Variants in AQR observed in about 807,000 individuals in gnomAD.
The protein encoded by AQR is RNA helicase aquarius.
In AQR, 61 loss-of-function variants were observed where a neutral mutation model predicts 180.5. That is an observed-to-expected ratio of 0.34 (90% confidence interval 0.28 to 0.42). The LOEUF is 0.42. Ranked by LOEUF, AQR falls within the 10% of genes least tolerant of loss-of-function variation. The pLI is 1.00. For missense variants in AQR, 1,281 were observed against 1,798.3 expected, an observed-to-expected ratio of 0.71 and a Z score of 5.20; for synonymous variants, 551 against 588.8, an observed-to-expected ratio of 0.94 and a Z score of 0.93.
At chr15:34,889,732 G>T (rs1033581785) in intron 24 of AQR, among the ~76,000 whole-genome samples, 1 of 151,934 alleles carries the variant, frequency 6.6e-6, no homozygotes, top group East Asian at 1.9e-4. Context: ...ATGCAATGGC[G>T]CAATCTTGGC....
chr15:34,886,766 A>G, intron 24 of AQR, 105 bp from the exon 25 acceptor site: 1 of 1,174,880 alleles, frequency 8.5e-7, no homozygotes, highest in Non-Finnish European at 1.2e-6. Flanking sequence ...AGAGGAAAAA[A>G]AACTAGAAGA....
At chr15:34,899,983 C>T (rs77957615) in intron 20 of AQR, among the ~76,000 whole-genome samples, 11,036 of 152,156 alleles carry the variant, frequency 0.073, 458 homozygotes, top group African/African-American at 0.092. Flanking sequence ...GACTTAAACG[C>T]CTGGGTTCAC....
rs1404259975 is a variant in AQR at position 34,852,771 on chromosome 15, C to T, written c.*4021G>A. Reference sequence around the variant, plus strand: ...AGAACATATTTCTCAGAGTATTTTTCAAGAGTAGTATTTTCTGTAATATAT... The same window carrying T: ...AGAACATATTTCTCAGAGTATTTTTTAAGAGTAGTATTTTCTGTAATATAT... On this transcript the variant is annotated 3_prime_UTR_variant, in exon 35 of 35. Transcript: ENST00000156471. The T allele has an allele frequency of 6.6e-6, 1 of 152,112 alleles. No homozygotes were observed. The highest frequency in any genetic ancestry group is 6.5e-5 in the Admixed American group (1 of 15,272). The allele number at this position is 152,112 out of a possible 1,614,324, so 9.4% of individuals were successfully genotyped here.
chr15:34,928,235 T>C (rs1300685928), intron 12 of AQR, among the ~76,000 whole-genome samples: 2 of 152,106 alleles, frequency 1.3e-5, no homozygotes, highest in African/African-American at 4.8e-5. Context: ...ATTTATTTTT[T>C]CTTCTAAAAA....
chr15:34,904,207 T>C (rs930202279), intron 19 of AQR, 129 bp downstream of exon 19: 4 of 541,428 alleles, frequency 7.4e-6, no homozygotes, highest in South Asian at 4.3e-5. Context: ...GGATTGCTTA[T>C]AGTAAAAATA....
intron 29 of AQR, chr15:34,874,222 G>A (rs1047537591): frequency 5.7e-5 from 24 of 420,374 alleles, no homozygotes; most frequent in Admixed American, 1.2e-4. Flanking sequence ...GTTCTATTAC[G>A]CTCTCTGAGG....
rs942794327 is a variant in AQR at position 34,932,552 on chromosome 15, C to T, written c.784-118G>A. ...ACATACAAGGTACCCTCCAACCTTC[C>T]AATAGACACACTGTATACAATGCAA... On this transcript the variant is annotated intron_variant, in intron 10 of 34. Transcript: ENST00000156471. 6 of 681,912 alleles carry T rather than the reference C, an allele frequency of 8.8e-6. 1 individual carries two copies. The highest frequency in any genetic ancestry group is 3.8e-5 in the South Asian group (2 of 52,502). The allele number at this position is 681,912 out of a possible 1,614,324, so 42.2% of individuals were successfully genotyped here. A position where few individuals can be genotyped will look rare whatever the true frequency, so the allele number is the denominator to read the frequency against.
chr15:34,960,124 C>T (rs1213902272), intron 3 of AQR, among the ~76,000 whole-genome samples: 1 of 152,208 alleles, frequency 6.6e-6, no homozygotes, highest in East Asian at 1.9e-4. Flanking sequence ...TTTTAAAATA[C>T]TCACTGGACA....
At chr15:34,923,107 T>C (rs1337743760) in intron 13 of AQR, among the ~76,000 whole-genome samples, 1 of 152,226 alleles carries the variant, frequency 6.6e-6, no homozygotes, top group African/African-American at 2.4e-5. Context: ...GAGACCACAT[T>C]CGCATAACTT....
At chr15:34,907,141 G>A (rs765943090) in intron 17 of AQR, among the ~76,000 whole-genome samples, 64 of 152,166 alleles carry the variant, frequency 4.2e-4, no homozygotes, top group Non-Finnish European at 8.4e-4. Flanking sequence ...TCCAAAGACA[G>A]CCTAATTGTA....
chr15:34,926,990 A>C (rs1893774231), intron 13 of AQR, 45 bp downstream of exon 13: 4 of 1,181,828 alleles, frequency 3.4e-6, no homozygotes, highest in Non-Finnish European at 4.8e-6. Context: ...AAATTGAGGG[A>C]GCATGATACA....
rs780066558 is a variant in AQR at position 34,893,692 on chromosome 15, T to C, written c.2542A>G (p.Arg848Gly). The C allele has an allele frequency of 6.2e-7, 1 of 1,613,458 alleles. No individual in the cohort carries two copies. Among genetic ancestry groups the C allele is most frequent in the Non-Finnish European group, 8.5e-7 (1 of 1,179,816 alleles). ...SNIYHNFPEQRTLIVTHSNQA... is the reference protein window; with the variant it reads ...SNIYHNFPEQGTLIVTHSNQA... ...TTGGAATGAGTAACAATTAGAGTCC[T>C]CTGTTCTGGGAAGTTGTGGTAGATG... Residue 848 changes from arginine to glycine, a missense_variant, in exon 23 of 35, where the codon AGG (arginine) becomes GGG (glycine). By Grantham distance (125) the Arg-to-Gly change is moderately radical (BLOSUM62 -2). Coordinates refer to ENST00000156471, the MANE Select transcript of AQR (RefSeq NM_014691.3).
rs1421720516 is a variant in AQR at position 34,870,930 on chromosome 15, G to A, written c.3598-8C>T. The A allele has an allele frequency of 3.1e-6, 5 of 1,609,806 alleles. No individual in the cohort carries two copies. The highest frequency in any genetic ancestry group is 4.2e-6 in the Non-Finnish European group (5 of 1,177,336). ...TTCTGCCTCTCCAAGATTCTGTAAT[G>A]CAAACATAATCAGACTGTGCATTCA... is the stretch of plus-strand genomic sequence containing the variant. On this transcript the variant is annotated splice_polypyrimidine_tract_variant and splice_region_variant and intron_variant, in intron 30 of 34. Coordinates refer to ENST00000156471, the MANE Select transcript of AQR (RefSeq NM_014691.3).
chr15:34,896,585 C>G (rs769057330), intron 22 of AQR, among the ~76,000 whole-genome samples: 1 of 151,120 alleles, frequency 6.6e-6, no homozygotes, highest in Non-Finnish European at 1.5e-5. Context: ...CGGTGGCTCA[C>G]GCCTGTAATC....
At chr15:34,923,556 A>G (rs1893713227) in intron 13 of AQR, among the ~76,000 whole-genome samples, 1 of 152,154 alleles carries the variant, frequency 6.6e-6, no homozygotes, top group Non-Finnish European at 1.5e-5. Context: ...TACTTCCTAG[A>G]AGTTTTAATT....
intron 12 of AQR, 126 bp from the exon 13 acceptor site, chr15:34,927,264 A>C (rs1893779118): frequency 6.6e-6 from 3 of 452,888 alleles, no homozygotes; most frequent in Non-Finnish European, 1.1e-5. Context: ...TGCTTCTTTT[A>C]TGTGACCTCT....
chr15:34,864,525 T>G (rs953946512), intron 32 of AQR, among the ~76,000 whole-genome samples: 5 of 152,322 alleles, frequency 3.3e-5, no homozygotes, highest in African/African-American at 1.2e-4. Flanking sequence ...GTTCCAACAC[T>G]GGTAACTGAA....
intron 18 of AQR, among the ~76,000 whole-genome samples, chr15:34,905,357 G>A (rs1372503407): frequency 1.3e-5 from 2 of 151,940 alleles, no homozygotes; most frequent in Non-Finnish European, 2.9e-5. Context: ...TTAATAATAA[G>A]TATTATAAAG....
intron 16 of AQR, 96 bp downstream of exon 16, chr15:34,914,942 A>G: frequency 7.6e-7 from 1 of 1,309,464 alleles, no homozygotes; most frequent in South Asian, 1.8e-5. Context: ...CTTTTGTCTC[A>G]GTATATTATT....
Sources: allele counts gnomAD v4.1 joint callset (sites outside exome capture counted in the v4.1 genomes callset), GRCh38; gene constraint gnomAD v4.1.1; transcripts MANE v1.5; gene names NCBI Gene and HGNC (gene_info 2026-07-23, HGNC 2026-07-21).